The following TXNRD2 variants were observed in gnomAD, a reference collection of about 807,000 sequenced individuals.
TXNRD2 encodes thioredoxin reductase 2, also known as thioredoxin reductase 2, mitochondrial.
A neutral mutation model predicts 70.8 loss-of-function variants in TXNRD2; 67 were observed. That is an observed-to-expected ratio of 0.95 (90% CI 0.78 to 1.16). The LOEUF is 1.16. Among genes scored for constraint, TXNRD2 ranks in the 50% most tolerant of loss-of-function variants. TXNRD2 has a pLI of 0.00. For missense variants in TXNRD2, 644 were observed against 719.9 expected (o/e 0.89, Z 1.21); for synonymous variants, 301 against 295.8 (o/e 1.02, Z -0.18).
intron 2 of TXNRD2, among the ~76,000 whole-genome samples, chr22:19,925,557 T>C (rs1941107733): frequency 6.6e-6 from 1 of 151,942 alleles, no homozygotes; most frequent in Non-Finnish European, 1.5e-5. Context: ...ATCATGGATT[T>C]ATAACATGTA....
At chr22:19,932,023 T>C (rs576534937) in intron 1 of TXNRD2, among the ~76,000 whole-genome samples, 8 of 151,316 alleles carry the variant, frequency 5.3e-5, no homozygotes, top group Non-Finnish European at 1.0e-4. Flanking sequence ...TAGCCGGGCA[T>C]GGTGGTGGGC....
chr22:19,933,595 G>A lies in TXNRD2; in HGVS notation c.104-2497C>T. 5 of 1,023,562 alleles carry A rather than the reference G, an allele frequency of 4.9e-6. No homozygotes were observed. The South Asian group carries it at 5.7e-5, about 12-fold the overall frequency. 63.4% of individuals were successfully genotyped at this position (1,023,562 alleles called of 1,614,324 possible). A position where few individuals can be genotyped will look rare whatever the true frequency, so the allele number is the denominator to read the frequency against. On this transcript the variant is annotated intron_variant, in intron 1 of 17. Transcript: ENST00000400521. Reference sequence around the variant, plus strand: ...CTTGGGCAGCTTGCTCGCCCCCTGTGCACACCCAGGAGCCCTCTCGGGCTG... The same window carrying A: ...CTTGGGCAGCTTGCTCGCCCCCTGTACACACCCAGGAGCCCTCTCGGGCTG...
At chr22:19,932,178 AAAG>A (rs371148811) in intron 1 of TXNRD2, among the ~76,000 whole-genome samples, 1 of 151,066 alleles carries the variant, frequency 6.6e-6, no homozygotes, top group Non-Finnish European at 1.5e-5. Flanking sequence ...AAAAAAAAAA[AAAG>A]AATAAAAGCA....
At chr22:19,931,143 A>T in intron 1 of TXNRD2, 45 bp from the exon 2 acceptor site, 1 of 1,577,144 alleles carries the variant, frequency 6.3e-7, no homozygotes, top group Non-Finnish European at 8.7e-7. Context: ...TGTCTGGTTA[A>T]ACGTGGTACA....
intron 7 of TXNRD2, among the ~76,000 whole-genome samples, chr22:19,912,371 C>T (rs751637230): frequency 1.3e-5 from 2 of 152,232 alleles, no homozygotes; most frequent in African/African-American, 2.4e-5. Context: ...GCAGGGAGAG[C>T]GAAGCAGCCC....
chr22:19,876,365 G>T, intron 17 of TXNRD2: 1 of 152,486 alleles, frequency 6.6e-6, no homozygotes, highest in Non-Finnish European at 1.5e-5. Context: ...CCCGGCCCCT[G>T]CCCTGCAGCC....
chr22:19,929,209 C>A (rs1034901171), intron 2 of TXNRD2, among the ~76,000 whole-genome samples: 1 of 151,576 alleles, frequency 6.6e-6, no homozygotes, highest in African/African-American at 2.4e-5. Context: ...CGCCTGTAGT[C>A]CCAGCTACTC....
intron 11 of TXNRD2, among the ~76,000 whole-genome samples, chr22:19,888,933 T>C (rs1476356896): frequency 1.4e-5 from 2 of 146,458 alleles, no homozygotes; most frequent in African/African-American, 5.0e-5. Flanking sequence ...CCCGGGCCCC[T>C]ACCCGCAGCT....
chr22:19,934,289 G>T (rs1051142691), intron 1 of TXNRD2, among the ~76,000 whole-genome samples: 3 of 151,514 alleles, frequency 2.0e-5, no homozygotes, highest in Non-Finnish European at 4.4e-5. Context: ...GCTGAGGCTG[G>T]AGGGTGAGTT....
chr22:19,880,808 T>C, intron 12 of TXNRD2, 91 bp from the exon 13 acceptor site: 3 of 860,898 alleles, frequency 3.5e-6, no homozygotes, highest in Non-Finnish European at 5.6e-6. Context: ...CGAGTGGGCA[T>C]CTCCCTTTAG....
At chr22:19,890,997 G>T (rs1433533594) in intron 11 of TXNRD2, among the ~76,000 whole-genome samples, 1 of 152,198 alleles carries the variant, frequency 6.6e-6, no homozygotes, top group Non-Finnish European at 1.5e-5. Context: ...CCACGTGGGG[G>T]AGACTATACA....
At chr22:19,895,709 C>T (rs1939477085) in intron 10 of TXNRD2, 128 bp from the exon 11 acceptor site, 1 of 1,009,146 alleles carries the variant, frequency 9.9e-7, no homozygotes, top group Non-Finnish European at 1.5e-6. Flanking sequence ...GGGTGAGACA[C>T]CCTGCCCCCT....
chr22:19,883,667 G>T, intron 11 of TXNRD2: 1 of 656,412 alleles, frequency 1.5e-6, no homozygotes, highest in Non-Finnish European at 2.6e-6. Flanking sequence ...ATGAAACCCT[G>T]TCTCAGCCAG....
At chr22:19,901,202 A>G (rs1028828509) in intron 8 of TXNRD2, among the ~76,000 whole-genome samples, 5 of 152,156 alleles carry the variant, frequency 3.3e-5, no homozygotes, top group African/African-American at 1.2e-4. Flanking sequence ...CCTGGATTGG[A>G]GCGGGGGCAG....
intron 16 of TXNRD2, 133 bp from the exon 17 acceptor site, chr22:19,877,367 C>T: frequency 1.2e-6 from 1 of 807,606 alleles, no homozygotes; most frequent in Non-Finnish European, 2.0e-6. Flanking sequence ...AGCCAGCAGC[C>T]AGGACCCCTG....
In TXNRD2 at chr22:19,915,255, T is replaced by C. The variant is rs765690062; in HGVS notation, c.550A>G (p.Ile184Val). The change falls in exon 7 of 18, where the codon ATC becomes GTC. Residue 184 changes from isoleucine to valine, a missense_variant. Transcript: ENST00000400521. ...GGCCGCCCTCCAGTAGCAATGATGATGTGATCGGCTGACAGCAGAATCTGA... is the reference window on the plus strand; with the variant it reads ...GGCCGCCCTCCAGTAGCAATGATGACGTGATCGGCTGACAGCAGAATCTGA... ...GKEILLSADH[I>V]IIATGGRPRY... The C allele has an allele frequency of 6.2e-7, 1 of 1,613,792 alleles. No homozygotes were observed. Among genetic ancestry groups the C allele is most frequent in the Non-Finnish European group, 8.5e-7 (1 of 1,179,938 alleles).
chr22:19,906,344 A>G (rs896850158), intron 8 of TXNRD2, among the ~76,000 whole-genome samples: 1 of 152,208 alleles, frequency 6.6e-6, no homozygotes, highest in African/African-American at 2.4e-5. Flanking sequence ...AGATTAAAAA[A>G]ACAGTCTGGG....
intron 4 of TXNRD2, among the ~76,000 whole-genome samples, chr22:19,918,450 A>T (rs1033432653): frequency 6.6e-6 from 1 of 152,192 alleles, no homozygotes; most frequent in Admixed American, 6.5e-5. Flanking sequence ...GGCTCTCCAG[A>T]TGCAGCTGCT....
intron 8 of TXNRD2, among the ~76,000 whole-genome samples, chr22:19,906,648 A>T (rs1940028919): frequency 6.6e-6 from 1 of 152,168 alleles, no homozygotes; most frequent in Non-Finnish European, 1.5e-5. Flanking sequence ...ATAACCCAGA[A>T]ATTATGGCAT....
Sources: gnomAD v4.1 joint callset for allele counts (sites outside exome capture counted in the v4.1 genomes callset) on GRCh38, gnomAD v4.1.1 for gene constraint, MANE v1.5 for transcripts, NCBI Gene and HGNC (gene_info 2026-07-23, HGNC 2026-07-21) for gene names.